The following CD47 variants were observed in gnomAD, a reference collection of about 807,000 sequenced individuals.
CD47 encodes the protein CD47 molecule.
In CD47, 11 loss-of-function variants were observed where a neutral mutation model predicts 44.6. That is an observed-to-expected ratio of 0.25 (90% CI 0.16 to 0.41). CD47 has a LOEUF of 0.41. Ranked by LOEUF, CD47 falls within the 10% of genes least tolerant of loss-of-function variation. The pLI is 1.00. For missense variants in CD47, 306 were observed against 386.7 expected (o/e 0.79, Z 1.75); for synonymous variants, 140 against 136.3 (o/e 1.03, Z -0.19).
intron 9 of CD47, among the ~76,000 whole-genome samples, chr3:108,050,104 A>C (rs1331946705): frequency 6.6e-6 from 1 of 152,106 alleles, no homozygotes; most frequent in African/African-American, 2.4e-5. Context: ...AATATTATAA[A>C]AGTAATATTC....
chr3:108,065,895 C>A (rs1403502654), intron 3 of CD47, among the ~76,000 whole-genome samples: 1 of 148,816 alleles, frequency 6.7e-6, no homozygotes, highest in African/African-American at 2.5e-5. Flanking sequence ...GGCCATCAAC[C>A]AGGTCACAGA....
intron 8 of CD47, 171 bp from the exon 9 acceptor site, chr3:108,050,773 G>C (rs547689385): frequency 2.5e-4 from 120 of 484,844 alleles, no homozygotes; most frequent in Non-Finnish European, 4.0e-4. Context: ...TTAAAGCAAA[G>C]CTTGCCAAGT....
chr3:108,080,175 T>C lies in CD47; in HGVS notation c.216A>G (p.Leu72=). 1 of 1,613,182 alleles carries C rather than the reference T, an allele frequency of 6.2e-7. No individual in the cohort carries two copies. The highest frequency in any genetic ancestry group is 8.5e-7 in the Non-Finnish European group (1 of 1,179,266). ...GRDIYTFDGA[L]NKSTVPTDFS... is the part of the protein sequence containing the mutation. ...AGTCAGTGGGGACAGTGGACTTGTT[T>C]AGAGCTCCATCAAAGGTGTAAATAT... The change falls in exon 2 of 11, where the codon CTA becomes CTG. Residue 72 remains leucine (L), a synonymous_variant. Transcript: ENST00000361309.
At position 108,043,859 on chromosome 3, in the gene CD47, G is replaced by A. The variant is rs2078670639; in HGVS notation, c.*3429C>T. 6.6e-6 allele frequency: 1 copy of A among 152,536 alleles called. No individual in the cohort carries two copies. The allele number at this position is 152,536 out of a possible 1,614,324, so 9.4% of individuals were successfully genotyped here. A position where few individuals can be genotyped will look rare whatever the true frequency, so the allele number is the denominator to read the frequency against. On this transcript the variant is annotated 3_prime_UTR_variant, in exon 11 of 11. Coordinates refer to ENST00000361309, the MANE Select transcript of CD47 (RefSeq NM_001777.4). Reference sequence around the variant, plus strand: ...TGTCAAAGCTAAAGGCAGAAAAACTGCCTGGTCACTCACTGCTCATCTCTT... The same window carrying A: ...TGTCAAAGCTAAAGGCAGAAAAACTACCTGGTCACTCACTGCTCATCTCTT...
At chr3:108,067,985 C>A (rs192818559) in intron 3 of CD47, among the ~76,000 whole-genome samples, 1 of 152,252 alleles carries the variant, frequency 6.6e-6, no homozygotes, top group East Asian at 1.9e-4. Context: ...TTGTCTTGGA[C>A]CACAAAGACT....
At chr3:108,057,901 T>A (rs1392376056) in intron 6 of CD47, among the ~76,000 whole-genome samples, 1 of 152,178 alleles carries the variant, frequency 6.6e-6, no homozygotes, top group East Asian at 1.9e-4. Context: ...CCAAGCCATA[T>A]ATACAGCTAA....
intron 1 of CD47, among the ~76,000 whole-genome samples, chr3:108,086,185 TC>T (rs2108273961): frequency 6.6e-6 from 1 of 152,038 alleles, no homozygotes; most frequent in East Asian, 1.9e-4. Context: ...CTAAAGGGCT[TC>T]CTTGAATGTC....
chr3:108,074,847 A>G (rs998473622), intron 2 of CD47, among the ~76,000 whole-genome samples: 1 of 152,076 alleles, frequency 6.6e-6, no homozygotes, highest in African/African-American at 2.4e-5. Context: ...TTACAGTGGG[A>G]AAAGTTTGAG....
At position 108,046,031 on chromosome 3, in the gene CD47, A is replaced by G. The variant is rs1463458125; in HGVS notation, c.*1257T>C. 1 of 152,236 alleles carries G rather than the reference A, an allele frequency of 6.6e-6. No homozygotes were observed. Among genetic ancestry groups the G allele is most frequent in the Non-Finnish European group, 1.5e-5 (1 of 68,040 alleles). The allele number at this position is 152,236 out of a possible 1,614,324, so 9.4% of individuals were successfully genotyped here. A position where few individuals can be genotyped will look rare whatever the true frequency, so the allele number is the denominator to read the frequency against. On this transcript the variant is annotated 3_prime_UTR_variant, in exon 11 of 11. Coordinates refer to ENST00000361309, the MANE Select transcript of CD47 (RefSeq NM_001777.4). ...TATGCACATACAAACACACATCCAC[A>G]AACAGGTAAAAAACGAATGCTAAAA... is the stretch of plus-strand genomic sequence containing the variant.
At chr3:108,060,978 T>C (rs532288308) in intron 3 of CD47, 126 bp from the exon 4 acceptor site, 13 of 622,612 alleles carry the variant, frequency 2.1e-5, no homozygotes, top group Admixed American at 1.6e-4. Context: ...GAACAACTCC[T>C]TAATATCATC....
rs147212701 is a variant in CD47 at position 108,081,748 on chromosome 3, T to C, written c.47-1404A>G. ...GTGTTGAGCATTAACATGGAAAACA[T>C]AGCGGCAAGTGCTCTCTAAACAATA... On this transcript the variant is annotated intron_variant, in intron 1 of 10. Coordinates refer to ENST00000361309, the MANE Select transcript of CD47 (RefSeq NM_001777.4). Among the ~76,000 whole-genome samples, 26 of 152,078 alleles carry C rather than the reference T, an allele frequency of 1.7e-4. 1 individual carries two copies. In the East Asian group the frequency reaches 5.0e-3, roughly 29 times the overall value.
At chr3:108,075,792 G>C (rs2079299309) in intron 2 of CD47, among the ~76,000 whole-genome samples, 1 of 152,192 alleles carries the variant, frequency 6.6e-6, no homozygotes, top group Non-Finnish European at 1.5e-5. Flanking sequence ...TTTTGAGGGA[G>C]AGAGAGCTGA....
chr3:108,048,494 C>T (rs1037408019), intron 10 of CD47, among the ~76,000 whole-genome samples: 1 of 148,326 alleles, frequency 6.7e-6, no homozygotes, highest in African/African-American at 2.5e-5. Context: ...ACGCCATTCT[C>T]CTGCCTCAGC....
intron 1 of CD47, among the ~76,000 whole-genome samples, chr3:108,082,113 G>GA (rs1577015920): frequency 1.3e-5 from 2 of 151,938 alleles, no homozygotes; most frequent in East Asian, 3.8e-4. Flanking sequence ...ATAAAGGAAG[G>GA]AAAGTATCAG....
chr3:108,067,226 A>G (rs1336321997), intron 3 of CD47, among the ~76,000 whole-genome samples: 1 of 152,276 alleles, frequency 6.6e-6, no homozygotes, highest in African/African-American at 2.4e-5. Context: ...TAAGGTTTTA[A>G]CAACAAAAAA....
At chr3:108,056,025 A>G (rs946161180) in intron 7 of CD47, among the ~76,000 whole-genome samples, 1 of 152,242 alleles carries the variant, frequency 6.6e-6, no homozygotes, top group South Asian at 2.1e-4. Flanking sequence ...AGCCAAAGGT[A>G]TCTCATACTA....
At chr3:108,068,287 A>T (rs1415112258) in intron 3 of CD47, among the ~76,000 whole-genome samples, 1 of 152,208 alleles carries the variant, frequency 6.6e-6, no homozygotes, top group East Asian at 1.9e-4. Context: ...CAAAGATGTG[A>T]CAAGGCATGG....
At position 108,071,089 on chromosome 3, in the gene CD47, T is replaced by G; in HGVS notation, c.490+4A>C. The stretch of plus-strand genomic sequence containing the variant: ...CATAAATGAAAAGTAGAAATAATAC[T>G]TACTTTTAATACCAAACTGTCCCCA... On this transcript the variant is annotated splice_donor_region_variant and intron_variant, in intron 3 of 10. Transcript: ENST00000361309. 8.4e-7 allele frequency: 1 copy of G among 1,194,502 alleles called. No homozygotes were observed. The highest frequency in any genetic ancestry group is 1.4e-5 in the South Asian group (1 of 71,618). The allele number at this position is 1,194,502 out of a possible 1,614,324, so 74.0% of individuals were successfully genotyped here.
chr3:108,074,449 G>A (rs2079268021), intron 2 of CD47, among the ~76,000 whole-genome samples: 1 of 151,970 alleles, frequency 6.6e-6, no homozygotes. Context: ...AAGTAGCTGG[G>A]ATTATAGGCA....
Sources: allele counts gnomAD v4.1 joint callset (sites outside exome capture counted in the v4.1 genomes callset), GRCh38; gene constraint gnomAD v4.1.1; transcripts MANE v1.5; gene names NCBI Gene and HGNC (gene_info 2026-07-23, HGNC 2026-07-21).